TRPM3: variants seen among roughly 807,000 people sequenced by gnomAD.
TRPM3 encodes long transient receptor potential channel 3.
Under a neutral mutation model 181.2 loss-of-function variants are expected in TRPM3, and 77 were observed. That is an observed-to-expected ratio of 0.42 (90% CI 0.35 to 0.51). The LOEUF is 0.51. Ranked by LOEUF, TRPM3 falls within the 20% of genes least tolerant of loss-of-function variation. The pLI is 0.01. For synonymous variants in TRPM3, 745 were observed against 796.4 expected (o/e 0.94, Z 1.09); for missense variants, 1,759 against 2,196.7 (o/e 0.80, Z 3.98).
chr9:70,538,867 G>A (rs2042499745), intron 25 of TRPM3, among the ~76,000 whole-genome samples: 1 of 152,166 alleles, frequency 6.6e-6, no homozygotes, highest in South Asian at 2.1e-4. Context: ...TTAAGACAGA[G>A]GCCACATATT....
chr9:71,289,875 C>CA (rs71352367), intron 1 of TRPM3, among the ~76,000 whole-genome samples: 778 of 39,778 alleles, frequency 0.02, 198 homozygotes, highest in East Asian at 0.078. Context: ...GACTCTGTCT[C>CA]AAAAAAAAAA....
At chr9:70,991,555 G>GTTTTTTTTTTTTTTTT (rs56157123) in intron 1 of TRPM3, among the ~76,000 whole-genome samples, 1 of 124,526 alleles carries the variant, frequency 8.0e-6, no homozygotes, top group African/African-American at 3.0e-5. Flanking sequence ...CTATGTGTCT[G>GTTTTTTTTTTTTTTTT]TTTTTTTTTT....
intron 21 of TRPM3, among the ~76,000 whole-genome samples, chr9:70,596,564 T>C (rs2059057971): frequency 6.6e-6 from 1 of 151,994 alleles, no homozygotes; most frequent in Non-Finnish European, 1.5e-5. Context: ...AAACCTCGTC[T>C]CTAATAAAAA....
chr9:70,860,465 G>A (rs929130487), intron 3 of TRPM3, among the ~76,000 whole-genome samples: 2 of 152,146 alleles, frequency 1.3e-5, no homozygotes, highest in Non-Finnish European at 2.9e-5. Flanking sequence ...TAATTCTAGA[G>A]ACAGCCATAT....
In TRPM3 at chr9:71,232,491, C is replaced by CTTTTTTTT. The variant is rs71352362; in HGVS notation, c.183+214154_183+214161dup. Among the ~76,000 whole-genome samples, 200 of 59,150 alleles carry CTTTTTTTT rather than the reference C, an allele frequency of 3.4e-3. 36 individuals are homozygous for CTTTTTTTT. The highest frequency in any genetic ancestry group is 6.3e-3 in the African/African-American group (84 of 13,404). The allele number at this position is 59,150 out of a possible 152,430, so 38.8% of individuals were successfully genotyped here. A position where few individuals can be genotyped will look rare whatever the true frequency, so the allele number is the denominator to read the frequency against. ...CGCACATGGAAATTGAATTCAGTGT[C>CTTTTTTTT]TTTTTTTTTTTTTTTTTTTTTTTTT... On this transcript the variant is annotated intron_variant, in intron 1 of 24. Transcript: ENST00000357533.
intron 1 of TRPM3, among the ~76,000 whole-genome samples, chr9:71,182,045 C>T (rs1448865197): frequency 1.3e-5 from 2 of 152,076 alleles, no homozygotes; most frequent in Non-Finnish European, 2.9e-5. Flanking sequence ...ATTATTCATG[C>T]CCCATACTCT....
intron 1 of TRPM3, among the ~76,000 whole-genome samples, chr9:70,886,811 T>C (rs754272416): frequency 6.6e-6 from 1 of 152,042 alleles, no homozygotes; most frequent in Non-Finnish European, 1.5e-5. Context: ...ATTATAGGCC[T>C]GCACCACCAT....
chr9:70,984,246 C>A (rs1005931584), intron 1 of TRPM3, among the ~76,000 whole-genome samples: 4 of 152,170 alleles, frequency 2.6e-5, no homozygotes, highest in African/African-American at 9.7e-5. Context: ...ACAGCCACTA[C>A]CCCTACTTGT....
intron 22 of TRPM3, among the ~76,000 whole-genome samples, chr9:70,586,652 A>G (rs1333341143): frequency 6.6e-6 from 1 of 152,200 alleles, no homozygotes; most frequent in Non-Finnish European, 1.5e-5. Context: ...AACACTCCCC[A>G]CGCTATAGCT....
intron 1 of TRPM3, among the ~76,000 whole-genome samples, chr9:71,025,098 C>A (rs1264750919): frequency 6.6e-6 from 1 of 152,158 alleles, no homozygotes; most frequent in Non-Finnish European, 1.5e-5. Flanking sequence ...AGTTTCTTCA[C>A]CCCCTTGGCA....
chr9:70,573,972 T>TCACACACACACACACACA (rs59193514), intron 22 of TRPM3, among the ~76,000 whole-genome samples: 1 of 140,938 alleles, frequency 7.1e-6, no homozygotes, highest in African/African-American at 2.7e-5. Context: ...GCAATTCATT[T>TCACACACACACACACACA]CACACACACA....
intron 22 of TRPM3, among the ~76,000 whole-genome samples, chr9:70,576,505 CTTCT>C (rs1293314046): frequency 6.7e-6 from 1 of 150,038 alleles, no homozygotes; most frequent in Non-Finnish European, 1.5e-5. Flanking sequence ...CCTCCTCCTT[CTTCT>C]TTTTTTTTTT....
chr9:71,396,145 G>A (rs570412847), intron 1 of TRPM3, among the ~76,000 whole-genome samples: 1 of 152,122 alleles, frequency 6.6e-6, no homozygotes, highest in Non-Finnish European at 1.5e-5. Context: ...TTTGTAAATG[G>A]TTTTCTGCTC....
chr9:70,594,057 G>A (rs1021936334), intron 21 of TRPM3, among the ~76,000 whole-genome samples: 33 of 146,116 alleles, frequency 2.3e-4, no homozygotes, highest in African/African-American at 8.0e-4. Context: ...ATAGCTACAT[G>A]GAAAAAAACT....
At chr9:71,407,296 A>G (rs1188778701) in intron 1 of TRPM3, among the ~76,000 whole-genome samples, 1 of 152,190 alleles carries the variant, frequency 6.6e-6, no homozygotes, top group African/African-American at 2.4e-5. Context: ...CGGGAAGTAC[A>G]AGGGGTTGGG....
rs35173071 is a variant in TRPM3, at chr9:70,781,326, T to TAAAAAAAA, written c.1148+2771_1148+2778dup. 6.6e-4 allele frequency among the ~76,000 whole-genome samples: 70 copies of TAAAAAAAA among 106,108 alleles called. 1 individual carries two copies. The highest frequency in any genetic ancestry group is 4.5e-3 in the Middle Eastern group (1 of 220). The allele number at this position is 106,108 out of a possible 152,430, so 69.6% of individuals were successfully genotyped here. Reference sequence around the variant, plus strand: ...GGGGACAGCATGAGATTCCATTTCATAAAAAAAAAAAAAAAAAAAAAAAGA... The same window carrying TAAAAAAAA: ...GGGGACAGCATGAGATTCCATTTCATAAAAAAAAAAAAAAAAAAAAAAAAAAAAAAAGA... On this transcript the variant is annotated intron_variant, in intron 7 of 25. Coordinates refer to ENST00000677713, the MANE Select transcript of TRPM3 (RefSeq NM_001366145.2).
intron 1 of TRPM3, among the ~76,000 whole-genome samples, chr9:71,399,521 C>CTTTTTTTTTTTTTTTTTTTTTTT (rs1415739241): frequency 1.9e-5 from 2 of 107,520 alleles, no homozygotes; most frequent in African/African-American, 6.3e-5. Context: ...CTTATATTTT[C>CTTTTTTTTTTTTTTTTTTTTTTT]TTTTGTTTTT....
At chr9:70,813,162 C>T (rs2092309157) in intron 6 of TRPM3, among the ~76,000 whole-genome samples, 1 of 152,134 alleles carries the variant, frequency 6.6e-6, no homozygotes, top group Non-Finnish European at 1.5e-5. Context: ...CTAAGTGATG[C>T]TCATTGTCTG....
chr9:71,079,126 A>T (rs1021466946), intron 1 of TRPM3, among the ~76,000 whole-genome samples: 2 of 152,212 alleles, frequency 1.3e-5, no homozygotes, highest in Non-Finnish European at 2.9e-5. Context: ...TGTTGCGTTG[A>T]AGATTGTTCT....
Sources: allele counts gnomAD v4.1 joint callset (sites outside exome capture counted in the v4.1 genomes callset), GRCh38; gene constraint gnomAD v4.1.1; transcripts MANE v1.5; gene names NCBI Gene and HGNC (gene_info 2026-07-23, HGNC 2026-07-21).